The following PARD3 variants were observed in gnomAD, a reference collection of about 807,000 sequenced individuals.
PARD3 encodes the protein par-3 family cell polarity regulator, also known as partitioning defective 3 homolog.
In PARD3, 75 loss-of-function variants were observed where a neutral mutation model predicts 155.4. The ratio of observed to expected loss-of-function variants is 0.48; its 90% confidence interval spans 0.40 to 0.58. The LOEUF is 0.58. Among genes scored for constraint, PARD3 ranks in the 20% least tolerant of loss-of-function variants. PARD3 has a pLI of 0.00. For missense variants in PARD3, 1,642 were observed against 1,721.7 expected, an observed-to-expected ratio of 0.95 and a Z score of 0.82; for synonymous variants, 576 against 610.5, an observed-to-expected ratio of 0.94 and a Z score of 0.83.
At chr10:34,680,022 A>C (rs2093782181) in intron 2 of PARD3, among the ~76,000 whole-genome samples, 1 of 151,940 alleles carries the variant, frequency 6.6e-6, no homozygotes, top group South Asian at 2.1e-4. Flanking sequence ...AAAAGCCCAG[A>C]CTCCACCACT....
At chr10:34,140,953 T>C (rs1219806914) in intron 22 of PARD3, among the ~76,000 whole-genome samples, 4 of 152,240 alleles carry the variant, frequency 2.6e-5, no homozygotes, top group Non-Finnish European at 5.9e-5. Context: ...ACCACTTGTA[T>C]ACTGGTATGT....
At chr10:34,572,896 A>G (rs973152523) in intron 2 of PARD3, among the ~76,000 whole-genome samples, 1 of 152,190 alleles carries the variant, frequency 6.6e-6, no homozygotes, top group African/African-American at 2.4e-5. Context: ...ATTTTAACAT[A>G]AAATCCATTT....
chr10:34,384,199 T>G lies in PARD3; in HGVS notation c.946A>C (p.Asn316His). The G allele has an allele frequency of 1.2e-6, 2 of 1,613,792 alleles. No individual in the cohort carries two copies. The highest frequency in any genetic ancestry group is 1.7e-6 in the Non-Finnish European group (2 of 1,179,820). ...ATGCAATCATTCTCACGAAAAAGAT[T>G]TTCATGTTCAGCTTTACCACCTTTC... ...LEKGGKAEHE[N>H]LFRENDCIVR... Residue 316 changes from asparagine to histidine, a missense_variant, in exon 8 of 25, where the codon AAT becomes CAT. Transcript: ENST00000374788.
chr10:34,413,142 TATACACACACAC>T (rs1158385686), intron 5 of PARD3, among the ~76,000 whole-genome samples: 1 of 132,550 alleles, frequency 7.5e-6, no homozygotes, highest in African/African-American at 2.6e-5. Context: ...TTCAGATATA[TATACACACACAC>T]ACACACACAC....
intron 1 of PARD3, among the ~76,000 whole-genome samples, chr10:34,783,603 T>TC (rs1840544771): frequency 5.8e-5 from 2 of 34,578 alleles, no homozygotes; most frequent in Non-Finnish European, 9.7e-5. Context: ...GACTCCGTCT[T>TC]CAAAAAAAAA....
At chr10:34,651,636 T>C (rs2093017075) in intron 2 of PARD3, among the ~76,000 whole-genome samples, 1 of 152,164 alleles carries the variant, frequency 6.6e-6, no homozygotes, top group Non-Finnish European at 1.5e-5. Flanking sequence ...ATGCTGGTTG[T>C]TTTTTTGTAA....
intron 1 of PARD3, among the ~76,000 whole-genome samples, chr10:34,814,661 G>A (rs960618083): frequency 2.0e-5 from 3 of 151,814 alleles, no homozygotes; most frequent in African/African-American, 7.2e-5. Context: ...GGGGCCGCGG[G>A]ACCCGGCTGG....
At chr10:34,275,859 A>G (rs1955850334) in intron 21 of PARD3, among the ~76,000 whole-genome samples, 1 of 152,120 alleles carries the variant, frequency 6.6e-6, no homozygotes, top group Non-Finnish European at 1.5e-5. Flanking sequence ...GAGGTCACAA[A>G]TTATCTCCAA....
intron 15 of PARD3, chr10:34,346,534 A>G (rs1336205433): frequency 6.3e-6 from 8 of 1,266,682 alleles, no homozygotes; most frequent in Non-Finnish European, 8.2e-6. Context: ...TCTCAAGGGG[A>G]CTGAAATTTC....
At position 34,145,212 on chromosome 10, in the gene PARD3, TA is replaced by T. The variant is rs1564429801; in HGVS notation, c.3420-13630del. On this transcript the variant is annotated intron_variant, in intron 22 of 24. Coordinates refer to ENST00000374788, the MANE Select transcript of PARD3 (RefSeq NM_001184785.2). ...GTGTATATATATATATATATATATA[TA>T]TATATATATTTTTTTTTTTTTTTTT... Among the ~76,000 whole-genome samples, 15 of 75,750 alleles carry T rather than the reference TA, an allele frequency of 2.0e-4. No individual in the cohort carries two copies. The South Asian group carries it at 3.6e-3, about 18-fold the overall frequency. 49.7% of individuals were successfully genotyped at this position (75,750 alleles called of 152,430 possible).
intron 2 of PARD3, among the ~76,000 whole-genome samples, chr10:34,620,390 C>T (rs1233409121): frequency 6.6e-6 from 1 of 152,126 alleles, no homozygotes; most frequent in Non-Finnish European, 1.5e-5. Context: ...TTCCTCATTC[C>T]CCCATCTGAA....
intron 22 of PARD3, among the ~76,000 whole-genome samples, chr10:34,159,194 TG>T (rs765511028): frequency 6.6e-6 from 1 of 152,336 alleles, no homozygotes; most frequent in Admixed American, 6.5e-5. Flanking sequence ...TCTGAAGTTT[TG>T]GAAAGACCTA....
intron 23 of PARD3, among the ~76,000 whole-genome samples, chr10:34,122,154 A>C (rs1350625958): frequency 6.6e-6 from 1 of 152,220 alleles, no homozygotes; most frequent in East Asian, 1.9e-4. Context: ...AACTATATGC[A>C]TGTGTCAAAC....
chr10:34,560,774 T>G (rs922777309), intron 2 of PARD3, among the ~76,000 whole-genome samples: 1 of 152,204 alleles, frequency 6.6e-6, no homozygotes, highest in Non-Finnish European at 1.5e-5. Flanking sequence ...GTCTTTTTCT[T>G]TTGAGACAAT....
intron 22 of PARD3, among the ~76,000 whole-genome samples, chr10:34,214,523 C>T (rs1182705635): frequency 6.6e-6 from 1 of 152,016 alleles, no homozygotes; most frequent in East Asian, 1.9e-4. Flanking sequence ...GCAGACACCA[C>T]AACCAATATA....
intron 1 of PARD3, among the ~76,000 whole-genome samples, chr10:34,756,300 C>A (rs1836719353): frequency 6.7e-6 from 1 of 150,256 alleles, no homozygotes; most frequent in Non-Finnish European, 1.5e-5. Flanking sequence ...ACTACAGGCA[C>A]CCGCCACCAC....
chr10:34,346,317 T>G, intron 15 of PARD3: 2 of 1,262,600 alleles, frequency 1.6e-6, no homozygotes, highest in East Asian at 5.7e-5. Context: ...TAGCTGAATT[T>G]AGGGATTTTT....
chr10:34,118,840 T>C (rs1032589959), intron 24 of PARD3, among the ~76,000 whole-genome samples: 2 of 152,324 alleles, frequency 1.3e-5, no homozygotes, highest in Admixed American at 6.5e-5. Context: ...CAAATGCCTA[T>C]AAGAATTGTG....
intron 22 of PARD3, among the ~76,000 whole-genome samples, chr10:34,249,679 C>T (rs60746568): frequency 4.3e-4 from 66 of 152,296 alleles, no homozygotes; most frequent in African/African-American, 1.6e-3. Flanking sequence ...GTCCCCCACC[C>T]TGTATGGTCT....
Sources: gnomAD v4.1 joint callset for allele counts (sites outside exome capture counted in the v4.1 genomes callset) on GRCh38, gnomAD v4.1.1 for gene constraint, MANE v1.5 for transcripts, NCBI Gene and HGNC (gene_info 2026-07-23, HGNC 2026-07-21) for gene names.